Variants in ZDHHC11B observed in about 807,000 individuals in gnomAD.
ZDHHC11B encodes probable palmitoyltransferase ZDHHC11B.
A neutral mutation model predicts 42.3 loss-of-function variants in ZDHHC11B; 17 were observed. The observed-to-expected ratio is 0.40, with a 90% CI of 0.27 to 0.60. The LOEUF is 0.60. Among genes scored for constraint, ZDHHC11B ranks in the 20% least tolerant of loss-of-function variants. ZDHHC11B has a pLI of 0.41. For missense variants in ZDHHC11B, 262 were observed against 463.2 expected (o/e 0.57, Z 3.99); for synonymous variants, 123 against 193.5 (o/e 0.64, Z 3.02).
In ZDHHC11B at chr5:766,906, G is replaced by T. The variant is rs772571467; in HGVS notation, c.14C>A (p.Ser5Tyr). Residue 5 changes from serine to tyrosine, a missense_variant, in exon 4 of 14, where the codon TCC becomes TAC. By Grantham distance (144) the Ser-to-Tyr change is moderately radical (BLOSUM62 -2). Transcript: ENST00000508859. ...TGGGGTGACGGAACACTGGCTCCCG[G>T]AGCGGGTGTCCATCTGCAGGACACA... MDTR[S>Y]GSQCSVTPEA... 1.2e-6 allele frequency: 2 copies of T among 1,612,198 alleles called. No individual in the cohort carries two copies. The highest frequency in any genetic ancestry group is 4.5e-5 in the East Asian group (2 of 44,848).
At chr5:771,204 G>A (rs968254976) in intron 1 of ZDHHC11B, among the ~76,000 whole-genome samples, 4 of 151,824 alleles carry the variant, frequency 2.6e-5, no homozygotes, top group African/African-American at 9.7e-5. Flanking sequence ...AGTTCTCAGC[G>A]CCAGTCATGG....
intron 1 of ZDHHC11B, among the ~76,000 whole-genome samples, chr5:783,678 C>CT (rs1737026475): frequency 6.9e-6 from 1 of 145,408 alleles, no homozygotes; most frequent in Non-Finnish European, 1.5e-5. Flanking sequence ...CAGCAGCCCC[C>CT]AAACCCCTAT....
intron 4 of ZDHHC11B, among the ~76,000 whole-genome samples, chr5:761,911 T>C (rs186151775): frequency 1.7e-3 from 19 of 10,916 alleles, no homozygotes; most frequent in East Asian, 4.3e-3. Flanking sequence ...GGACAGACAC[T>C]CCTAGCCCCA....
chr5:757,057 G>A (rs1197755988), intron 4 of ZDHHC11B, among the ~76,000 whole-genome samples: 2 of 151,786 alleles, frequency 1.3e-5, no homozygotes, highest in African/African-American at 2.4e-5. Context: ...GTCAGCTTCC[G>A]CCCTCAGATA....
intron 1 of ZDHHC11B, among the ~76,000 whole-genome samples, chr5:778,052 C>T (rs926211905): frequency 6.6e-6 from 1 of 152,054 alleles, no homozygotes; most frequent in East Asian, 1.9e-4. Flanking sequence ...ACCTCCGCAG[C>T]CACCGTAGGA....
chr5:770,994 A>T (rs1416266560), intron 1 of ZDHHC11B, among the ~76,000 whole-genome samples: 1 of 151,876 alleles, frequency 6.6e-6, no homozygotes, highest in Non-Finnish European at 1.5e-5. Context: ...CAGGCCCTGA[A>T]GGACTCAAGG....
chr5:761,621 G>A (rs11745487), intron 4 of ZDHHC11B, among the ~76,000 whole-genome samples: 63,226 of 147,016 alleles, frequency 0.43, 10,540 homozygotes, highest in East Asian at 0.67. Flanking sequence ...GGGTGGACAC[G>A]TGGGTTGCCA....
chr5:752,981 G>T (rs542178687), intron 6 of ZDHHC11B, among the ~76,000 whole-genome samples: 16 of 92,726 alleles, frequency 1.7e-4, no homozygotes, highest in African/African-American at 4.8e-4. Flanking sequence ...ACCCATTCAC[G>T]CGGGGCCTCC....
intron 1 of ZDHHC11B, among the ~76,000 whole-genome samples, chr5:783,933 G>C (rs1472527240): frequency 6.6e-6 from 1 of 150,402 alleles, no homozygotes; most frequent in Admixed American, 6.6e-5. Context: ...GGAGGGACAG[G>C]CTTCTCACCT....
intron 4 of ZDHHC11B, among the ~76,000 whole-genome samples, chr5:762,246 C>T (rs1208846592): frequency 9.4e-6 from 1 of 106,098 alleles, no homozygotes; most frequent in Non-Finnish European, 2.0e-5. Flanking sequence ...CCACTCCCAG[C>T]CCTGGACAGT....
chr5:720,063 G>A (rs555784037), intron 12 of ZDHHC11B, among the ~76,000 whole-genome samples: 5 of 151,900 alleles, frequency 3.3e-5, no homozygotes, highest in East Asian at 1.9e-4. Flanking sequence ...GTCTTGGAAC[G>A]TATTCCCCAC....
intron 7 of ZDHHC11B, among the ~76,000 whole-genome samples, chr5:748,937 A>G (rs1310432144): frequency 9.8e-6 from 1 of 101,850 alleles, no homozygotes; most frequent in East Asian, 5.9e-4. Flanking sequence ...CTTCCTCACT[A>G]AGTGCCGGGG....
chr5:740,975 A>G (rs1226306061), intron 10 of ZDHHC11B, among the ~76,000 whole-genome samples: 1 of 93,160 alleles, frequency 1.1e-5, no homozygotes, highest in African/African-American at 3.0e-5. Flanking sequence ...ACAGCGTTGA[A>G]TGAAGTGTGA....
At chr5:736,368 T>C (rs890310948) in intron 10 of ZDHHC11B, among the ~76,000 whole-genome samples, 2 of 149,752 alleles carry the variant, frequency 1.3e-5, no homozygotes, top group Non-Finnish European at 3.0e-5. Flanking sequence ...AACACAATTA[T>C]AGTGACGGAC....
chr5:765,142 A>G (rs451381), intron 4 of ZDHHC11B, among the ~76,000 whole-genome samples: 30 of 132,364 alleles, frequency 2.3e-4, no homozygotes, highest in Non-Finnish European at 9.9e-5. Flanking sequence ...TCTAGCTCGA[A>G]GTTTGTAAAT....
chr5:725,968 A>G (rs1368667116), intron 12 of ZDHHC11B, among the ~76,000 whole-genome samples: 1 of 151,396 alleles, frequency 6.6e-6, no homozygotes, highest in Admixed American at 6.6e-5. Context: ...AATACAAGCC[A>G]CTGAATGAGG....
intron 9 of ZDHHC11B, among the ~76,000 whole-genome samples, chr5:743,036 C>A (rs1245182134): frequency 2.0e-5 from 3 of 149,878 alleles, no homozygotes; most frequent in African/African-American, 7.3e-5. Flanking sequence ...CCTGGGTAAT[C>A]TTTGTACAGG....
intron 6 of ZDHHC11B, among the ~76,000 whole-genome samples, chr5:752,492 T>A (rs1224100396): frequency 5.9e-5 from 5 of 84,300 alleles, no homozygotes; most frequent in African/African-American, 1.3e-4. Flanking sequence ...ATGATGATAT[T>A]TTTTTTAAAG....
intron 12 of ZDHHC11B, among the ~76,000 whole-genome samples, chr5:722,938 T>G (rs1432592282): frequency 6.6e-6 from 1 of 151,300 alleles, no homozygotes; most frequent in Non-Finnish European, 1.5e-5. Flanking sequence ...AAAAAAAAAA[T>G]GAAAAAGTAT....
Sources: gnomAD v4.1 joint callset for allele counts (sites outside exome capture counted in the v4.1 genomes callset) on GRCh38, gnomAD v4.1.1 for gene constraint, MANE v1.5 for transcripts, NCBI Gene and HGNC (gene_info 2026-07-23, HGNC 2026-07-21) for gene names.